The following RAPGEF4 variants were observed in gnomAD, a reference collection of about 807,000 sequenced individuals.
RAPGEF4 encodes the protein RAP guanine-nucleotide-exchange factor (GEF) 4.
RAPGEF4 carries 66 observed loss-of-function variants against 147.9 expected under a neutral mutation model. The ratio of observed to expected loss-of-function variants is 0.45; its 90% CI spans 0.37 to 0.55. The LOEUF is 0.55. Among genes scored for constraint, RAPGEF4 ranks in the 20% least tolerant of loss-of-function variants. The pLI, the probability that RAPGEF4 is intolerant of heterozygous loss-of-function variation, is 0.00. For missense variants in RAPGEF4, 1,071 were observed against 1,257.3 expected (o/e 0.85, Z 2.24); for synonymous variants, 419 against 442.7 (o/e 0.95, Z 0.67).
At chr2:172,848,640 AT>A (rs1692475675) in intron 4 of RAPGEF4, among the ~76,000 whole-genome samples, 1 of 152,158 alleles carries the variant, frequency 6.6e-6, no homozygotes, top group Admixed American at 6.5e-5. Flanking sequence ...GAAGATTTTT[AT>A]CATCTTACAG....
chr2:172,811,239 A>G (rs1687991964), intron 3 of RAPGEF4, among the ~76,000 whole-genome samples: 1 of 152,274 alleles, frequency 6.6e-6, no homozygotes, highest in Non-Finnish European at 1.5e-5. Context: ...AGAGCCATCC[A>G]GAAAGCTACA....
chr2:172,967,098 C>A, intron 9 of RAPGEF4, 163 bp from the exon 10 acceptor site: 1 of 657,820 alleles, frequency 1.5e-6, no homozygotes, highest in Non-Finnish European at 2.6e-6. Flanking sequence ...GAGGTCATGT[C>A]TTCCAGCTGC....
In RAPGEF4 at chr2:172,922,113, G is replaced by A. The variant is rs868602576; in HGVS notation, c.518-168G>A. On this transcript the variant is annotated intron_variant, in intron 5 of 30. Transcript: ENST00000397081. ...CCTGATTCATTGATTTATTTAAGCA[G>A]CATTATATAAGTTTTTATATTTCTA... is the stretch of plus-strand genomic sequence containing the variant. Among the ~76,000 whole-genome samples the A allele has an allele frequency of 8.5e-5, 13 of 152,336 alleles. No homozygotes were observed. The South Asian group carries it at 2.1e-3, about 24-fold the overall frequency.
At chr2:172,886,197 C>T (rs766181736) in intron 4 of RAPGEF4, among the ~76,000 whole-genome samples, 1 of 152,232 alleles carries the variant, frequency 6.6e-6, no homozygotes, top group Non-Finnish European at 1.5e-5. Flanking sequence ...TTTGCCATTG[C>T]ATGTTTAACA....
At chr2:172,881,876 T>C (rs1205649890) in intron 4 of RAPGEF4, among the ~76,000 whole-genome samples, 1 of 152,204 alleles carries the variant, frequency 6.6e-6, no homozygotes, top group Admixed American at 6.5e-5. Flanking sequence ...TTTCTAAAAC[T>C]GTTGTGAAGC....
At chr2:172,995,956 T>C (rs2105769480) in intron 15 of RAPGEF4, among the ~76,000 whole-genome samples, 1 of 152,324 alleles carries the variant, frequency 6.6e-6, no homozygotes, top group South Asian at 2.1e-4. Context: ...CGTTTTATTA[T>C]TAGCTGAATT....
rs556169402 is a variant in RAPGEF4 at position 173,029,677 on chromosome 2, T to A, written c.2559-487T>A. On this transcript the variant is annotated intron_variant, in intron 25 of 30. Transcript: ENST00000397081. ...ATAGAGATCACACCTTATAAGTTGA[T>A]ATTTTTCAACAAACAAGTAGCATTT... Among the ~76,000 whole-genome samples the A allele has an allele frequency of 9.2e-5, 14 of 152,328 alleles. No homozygotes were observed. In the South Asian group the frequency reaches 2.9e-3, roughly 32 times the overall value.
At chr2:172,895,594 A>G (rs920941163) in intron 4 of RAPGEF4, among the ~76,000 whole-genome samples, 1 of 152,208 alleles carries the variant, frequency 6.6e-6, no homozygotes, top group South Asian at 2.1e-4. Flanking sequence ...TTTATATACA[A>G]TATTTTACAT....
chr2:172,969,446 T>C (rs1690225098), intron 10 of RAPGEF4, among the ~76,000 whole-genome samples: 1 of 152,238 alleles, frequency 6.6e-6, no homozygotes, highest in Non-Finnish European at 1.5e-5. Context: ...TAACCTGGTG[T>C]GGAACTTAGT....
At chr2:172,817,877 TA>T (rs1306932790) in intron 4 of RAPGEF4, among the ~76,000 whole-genome samples, 1 of 566 alleles carries the variant, frequency 1.8e-3, no homozygotes, top group East Asian at 0.17. Flanking sequence ...GAAATTGTGA[TA>T]TATATATATA....
At chr2:172,968,201 T>C (rs1055623637) in intron 10 of RAPGEF4, among the ~76,000 whole-genome samples, 3 of 152,194 alleles carry the variant, frequency 2.0e-5, no homozygotes, top group African/African-American at 7.2e-5. Flanking sequence ...GACTTGGCCC[T>C]TGCATCCGAA....
intron 4 of RAPGEF4, among the ~76,000 whole-genome samples, chr2:172,874,355 C>T (rs560686682): frequency 9.4e-4 from 143 of 152,200 alleles, no homozygotes; most frequent in African/African-American, 3.3e-3. Flanking sequence ...CCCATTAACT[C>T]GTCATTTACA....
intron 4 of RAPGEF4, among the ~76,000 whole-genome samples, chr2:172,829,502 A>G (rs1340106585): frequency 1.3e-5 from 2 of 152,164 alleles, no homozygotes; most frequent in African/African-American, 4.8e-5. Flanking sequence ...TGGATTTTAC[A>G]TTTGCAAGGC....
intron 1 of RAPGEF4, among the ~76,000 whole-genome samples, chr2:172,749,770 A>G (rs180990119): frequency 0.011 from 1,651 of 152,278 alleles, 16 homozygotes; most frequent in South Asian, 0.039. Context: ...GAATTTCCCG[A>G]ACTTTTATGC....
chr2:173,025,542 A>C (rs920474282), intron 23 of RAPGEF4, among the ~76,000 whole-genome samples: 10 of 152,130 alleles, frequency 6.6e-5, no homozygotes, highest in African/African-American at 2.4e-4. Flanking sequence ...TCCTGGGTTT[A>C]AGCGATTCTC....
chr2:172,817,797 T>C (rs1688649965), intron 4 of RAPGEF4, among the ~76,000 whole-genome samples: 1 of 151,510 alleles, frequency 6.6e-6, no homozygotes, highest in African/African-American at 2.4e-5. Flanking sequence ...TGCATGTTTA[T>C]AGCAGCACAA....
chr2:172,924,528 A>G (rs549665659), intron 6 of RAPGEF4, among the ~76,000 whole-genome samples: 34 of 152,320 alleles, frequency 2.2e-4, no homozygotes, highest in Middle Eastern at 3.4e-3. Context: ...ACAGAGAACC[A>G]CACTTTAATT....
At chr2:173,028,576 C>T (rs149135359) in intron 25 of RAPGEF4, among the ~76,000 whole-genome samples, 3 of 152,082 alleles carry the variant, frequency 2.0e-5, no homozygotes, top group Admixed American at 2.0e-4. Context: ...TATATTTTTG[C>T]TTTTCTTATC....
intron 1 of RAPGEF4, among the ~76,000 whole-genome samples, chr2:172,759,554 G>C (rs760677521): frequency 1.3e-5 from 2 of 152,184 alleles, no homozygotes; most frequent in African/African-American, 2.4e-5. Flanking sequence ...CATGCGAGCC[G>C]CTGTGAAACT....
Sources: allele counts gnomAD v4.1 joint callset (sites outside exome capture counted in the v4.1 genomes callset), GRCh38; gene constraint gnomAD v4.1.1; transcripts MANE v1.5; gene names NCBI Gene and HGNC (gene_info 2026-07-23, HGNC 2026-07-21).